The following NAA25 variants were observed in gnomAD, a reference collection of about 807,000 sequenced individuals.
NAA25 encodes the protein N-alpha-acetyltransferase 25, NatB auxiliary subunit, also known as N-terminal acetyltransferase B complex subunit NAA25.
NAA25 carries 30 observed loss-of-function variants against 132.5 expected under a neutral mutation model. The ratio of observed to expected loss-of-function variants is 0.23; its 90% CI spans 0.17 to 0.31. The LOEUF (loss-of-function observed/expected upper bound fraction) is 0.31. Ranked by LOEUF, NAA25 falls within the 10% of genes least tolerant of loss-of-function variation. NAA25 has a pLI of 1.00. For missense variants in NAA25, 771 were observed against 1,150.4 expected (o/e 0.67, Z 4.77); for synonymous variants, 359 against 401.9 (o/e 0.89, Z 1.28).
At chr12:112,033,446 G>A in intron 22 of NAA25, 67 bp from the exon 23 acceptor site, 1 of 1,405,488 alleles carries the variant, frequency 7.1e-7, no homozygotes, top group Non-Finnish European at 9.5e-7. Flanking sequence ...CATCACAAAA[G>A]CTACTGAAAG....
At chr12:112,096,942 A>G (rs1389040248) in intron 1 of NAA25, among the ~76,000 whole-genome samples, 1 of 152,226 alleles carries the variant, frequency 6.6e-6, no homozygotes, top group South Asian at 2.1e-4. Context: ...ACCAGAGGTT[A>G]GGACTATAAG....
chr12:112,064,863 G>A (rs955056163), intron 11 of NAA25, among the ~76,000 whole-genome samples: 2 of 148,592 alleles, frequency 1.3e-5, no homozygotes, highest in African/African-American at 5.0e-5. Context: ...GGAGAAACCC[G>A]GTCTCTACTA....
intron 17 of NAA25, among the ~76,000 whole-genome samples, chr12:112,044,171 T>C (rs1196055379): frequency 6.6e-6 from 1 of 150,682 alleles, no homozygotes; most frequent in African/African-American, 2.4e-5. Context: ...GACCTCGTGA[T>C]CTGCCTGCCT....
chr12:112,050,380 A>G (rs1215067649), intron 15 of NAA25, among the ~76,000 whole-genome samples: 2 of 152,226 alleles, frequency 1.3e-5, no homozygotes, highest in Non-Finnish European at 2.9e-5. Flanking sequence ...TTATGCACCA[A>G]TGAGGCTATT....
rs1482912710 is a variant in NAA25, at chr12:112,028,564, C to T, written c.*967G>A. On this transcript the variant is annotated 3_prime_UTR_variant, in exon 24 of 24. Coordinates refer to ENST00000261745, the MANE Select transcript of NAA25 (RefSeq NM_024953.4). ...TAAATCCATAATATTACATTCCTTC[C>T]TTCCCAAACCCCCCACACTTAAAAC... 2.6e-5 allele frequency: 4 copies of T among 152,058 alleles called. No individual in the cohort carries two copies. The highest frequency in any genetic ancestry group is 4.4e-5 in the Non-Finnish European group (3 of 68,012). 9.4% of individuals were successfully genotyped at this position (152,058 alleles called of 1,614,324 possible).
rs2078176473 is a variant in NAA25 at position 112,033,389 on chromosome 12, A to G, written c.2650-10T>C. ...TGGTAAAGACAGGTGGCTGGGAAAA[A>G]GATTAAAAAAGAGTTGAAACATTAT... On this transcript the variant is annotated splice_polypyrimidine_tract_variant and intron_variant, in intron 22 of 23. Coordinates refer to ENST00000261745, the MANE Select transcript of NAA25 (RefSeq NM_024953.4). The G allele has an allele frequency of 6.3e-7, 1 of 1,591,690 alleles. No homozygotes were observed. The highest frequency in any genetic ancestry group is 1.9e-5 in the Admixed American group (1 of 53,320).
At chr12:112,051,771 C>T (rs137952091) in intron 15 of NAA25, among the ~76,000 whole-genome samples, 2 of 152,150 alleles carry the variant, frequency 1.3e-5, no homozygotes, top group Admixed American at 1.3e-4. Flanking sequence ...CAAATTGCTC[C>T]TAGGGGTCTC....
intron 1 of NAA25, among the ~76,000 whole-genome samples, chr12:112,104,022 C>G (rs2079328756): frequency 6.6e-6 from 1 of 152,146 alleles, no homozygotes; most frequent in Admixed American, 6.6e-5. Flanking sequence ...TATCACACAC[C>G]ATCCTGGGGT....
At chr12:112,047,915 A>C in intron 16 of NAA25, 125 bp from the exon 17 acceptor site, 2 of 1,032,472 alleles carry the variant, frequency 1.9e-6, no homozygotes, top group Non-Finnish European at 2.8e-6. Context: ...AATAAGGTGA[A>C]ATAGAACCAA....
At chr12:112,102,012 G>A (rs1446600378) in intron 1 of NAA25, among the ~76,000 whole-genome samples, 3 of 151,282 alleles carry the variant, frequency 2.0e-5, no homozygotes, top group African/African-American at 2.4e-5. Context: ...GATTACAGGC[G>A]TGCATCACCA....
At position 112,093,154 on chromosome 12, in the gene NAA25, A is replaced by G. The variant is rs773556000; in HGVS notation, c.59-18T>C. On this transcript the variant is annotated intron_variant, in intron 1 of 23. Coordinates refer to ENST00000261745, the MANE Select transcript of NAA25 (RefSeq NM_024953.4). ...AAGATAATCTATGAAAAAACAAATT[A>G]TGTGACAGTTATTATATTCCTTCAA... 2 of 1,406,030 alleles carry G rather than the reference A, an allele frequency of 1.4e-6. No homozygotes were observed. The highest frequency in any genetic ancestry group is 2.0e-6 in the Non-Finnish European group (2 of 995,244). The allele number at this position is 1,406,030 out of a possible 1,614,324, so 87.1% of individuals were successfully genotyped here.
At chr12:112,096,540 A>G (rs2079215168) in intron 1 of NAA25, among the ~76,000 whole-genome samples, 1 of 152,228 alleles carries the variant, frequency 6.6e-6, no homozygotes, top group Admixed American at 6.5e-5. Flanking sequence ...TAAAAAGATA[A>G]GAAGCCTTAC....
chr12:112,062,959 C>A (rs2078659606), intron 11 of NAA25, among the ~76,000 whole-genome samples: 1 of 151,782 alleles, frequency 6.6e-6, no homozygotes, highest in African/African-American at 2.4e-5. Context: ...ACTCAAGAGG[C>A]TGAGGCGGGA....
At chr12:112,048,610 C>T (rs572337347) in intron 15 of NAA25, among the ~76,000 whole-genome samples, 167 bp from the exon 16 acceptor site, 1 of 152,276 alleles carries the variant, frequency 6.6e-6, no homozygotes, top group South Asian at 2.1e-4. Context: ...TGTTTTTCTT[C>T]CTTCTTATAC....
At chr12:112,036,898 C>T (rs539317110) in intron 22 of NAA25, among the ~76,000 whole-genome samples, 102 of 151,230 alleles carry the variant, frequency 6.7e-4, no homozygotes, top group Non-Finnish European at 1.1e-3. Context: ...TGTGTGCACG[C>T]GCGTGTGCAT....
At chr12:112,053,821 T>TAAAAAAA (rs4041251) in intron 14 of NAA25, among the ~76,000 whole-genome samples, 164 bp from the exon 15 acceptor site, 9 of 114,340 alleles carry the variant, frequency 7.9e-5, no homozygotes, top group Non-Finnish European at 1.3e-4. Context: ...AGTTAAAATT[T>TAAAAAAA]AAAAAAAAAA....
At chr12:112,097,843 C>T (rs939882616) in intron 1 of NAA25, among the ~76,000 whole-genome samples, 2 of 151,698 alleles carry the variant, frequency 1.3e-5, no homozygotes, top group Non-Finnish European at 2.9e-5. Flanking sequence ...ACCGAGCAGA[C>T]CCGGCGGCTC....
intron 9 of NAA25, among the ~76,000 whole-genome samples, chr12:112,073,309 G>A (rs1041107711): frequency 7.9e-5 from 12 of 151,956 alleles, no homozygotes; most frequent in African/African-American, 2.7e-4. Context: ...ATGGGGTCTT[G>A]TACATTTTAT....
Position 112,054,492 on chromosome 12 carries a change from G to C in NAA25, c.1524C>G (p.Phe508Leu). 1.2e-6 allele frequency: 2 copies of C among 1,614,156 alleles called. No individual in the cohort carries two copies. Among genetic ancestry groups the C allele is most frequent in the South Asian group, 1.1e-5 (1 of 91,080 alleles). The change falls in exon 14 of 24, where the codon TTC becomes TTG. Residue 508 changes from phenylalanine (F) to leucine (L), a missense_variant. Transcript: ENST00000261745. ...GLTHSPSNAQ[F>L]KLLLVRIYCM... The stretch of plus-strand genomic sequence containing the variant: ...AGTAGATTCGAACAAGCAGCAATTT[G>C]AACTGAGCATTGGAAGGGCTATGGG...
Sources: gnomAD v4.1 joint callset for allele counts (sites outside exome capture counted in the v4.1 genomes callset) on GRCh38, gnomAD v4.1.1 for gene constraint, MANE v1.5 for transcripts, NCBI Gene and HGNC (gene_info 2026-07-23, HGNC 2026-07-21) for gene names.